The following CUX1 variants were observed in gnomAD, a reference collection of about 807,000 sequenced individuals.
CUX1 encodes protein CASP.
In CUX1, 31 loss-of-function variants were observed where a neutral mutation model predicts 158.8. The observed-to-expected ratio is 0.20, with a 90% CI of 0.15 to 0.26. CUX1 has a LOEUF of 0.26. Ranked by LOEUF, CUX1 falls within the 10% of genes least tolerant of loss-of-function variation. CUX1 has a pLI of 1.00. For synonymous variants in CUX1, 879 were observed against 862.1 expected, an observed-to-expected ratio of 1.02 and a Z score of -0.34; for missense variants, 1,589 against 2,014.6, an observed-to-expected ratio of 0.79 and a Z score of 4.04.
intron 21 of CUX1, among the ~76,000 whole-genome samples, chr7:102,231,255 C>A (rs1336813430): frequency 1.8e-4 from 27 of 152,032 alleles, no homozygotes; most frequent in Admixed American, 1.8e-3. Context: ...TGGTCTCAAT[C>A]TCCTGACCTC....
At chr7:102,239,861 G>A (rs782247501) in intron 23 of CUX1, among the ~76,000 whole-genome samples, 2 of 151,834 alleles carry the variant, frequency 1.3e-5, no homozygotes, top group South Asian at 2.1e-4. Flanking sequence ...GTTCTCCTGC[G>A]TCAGCCTCCC....
At chr7:102,232,466 A>AAGCC (rs1799108648) in intron 21 of CUX1, among the ~76,000 whole-genome samples, 1 of 152,194 alleles carries the variant, frequency 6.6e-6, no homozygotes, top group South Asian at 2.1e-4. Context: ...CAGAGAGAAC[A>AAGCC]AGCCAGCCCT....
intron 2 of CUX1, among the ~76,000 whole-genome samples, chr7:101,964,295 G>A (rs539214779): frequency 3.3e-5 from 5 of 152,220 alleles, no homozygotes; most frequent in Admixed American, 2.0e-4. Context: ...GGAGGTTGCA[G>A]TGAGCTGAGA....
chr7:102,030,222 G>A (rs1006463395), intron 3 of CUX1, among the ~76,000 whole-genome samples: 8 of 152,134 alleles, frequency 5.3e-5, no homozygotes, highest in African/African-American at 1.4e-4. Context: ...ATACTGGTCA[G>A]GCTGGTCTCT....
At chr7:101,958,671 G>A (rs1237720193) in intron 2 of CUX1, among the ~76,000 whole-genome samples, 1 of 150,876 alleles carries the variant, frequency 6.6e-6, no homozygotes, top group Non-Finnish European at 1.5e-5. Context: ...GTAGAGACGG[G>A]GTTTCACCAT....
chr7:102,041,509 C>T (rs1289556778), intron 3 of CUX1, among the ~76,000 whole-genome samples: 5 of 151,644 alleles, frequency 3.3e-5, no homozygotes, highest in Non-Finnish European at 7.4e-5. Flanking sequence ...CCGCCTTGGC[C>T]TCCCGAAATG....
intron 4 of CUX1, among the ~76,000 whole-genome samples, chr7:102,080,466 G>A (rs781944973): frequency 2.6e-5 from 4 of 152,262 alleles, no homozygotes; most frequent in African/African-American, 4.8e-5. Context: ...GAAAAGTAGC[G>A]TCTGCCGCAT....
intron 2 of CUX1, chr7:101,959,486 A>T (rs878963377): frequency 1.3e-5 from 2 of 151,986 alleles, no homozygotes; most frequent in Admixed American, 1.3e-4. Flanking sequence ...TCCCCTCCTA[A>T]GGCAGGCGGT....
At chr7:102,202,417 C>G (rs925394842) in intron 18 of CUX1, among the ~76,000 whole-genome samples, 1 of 152,214 alleles carries the variant, frequency 6.6e-6, no homozygotes, top group Non-Finnish European at 1.5e-5. Context: ...AGGTTCTAGG[C>G]TCAGCCTTTC....
At chr7:101,859,461 G>A (rs1797207936) in intron 1 of CUX1, among the ~76,000 whole-genome samples, 1 of 152,142 alleles carries the variant, frequency 6.6e-6, no homozygotes, top group Non-Finnish European at 1.5e-5. Context: ...AATATTAGCT[G>A]TTCTTTTCCA....
chr7:101,985,943 G>C (rs1448670055), intron 2 of CUX1, among the ~76,000 whole-genome samples: 1 of 152,234 alleles, frequency 6.6e-6, no homozygotes, highest in Admixed American at 6.5e-5. Context: ...AAGGAACGCA[G>C]CTTCAATGGC....
At chr7:102,133,015 A>G (rs1833497100) in intron 8 of CUX1, among the ~76,000 whole-genome samples, 1 of 152,056 alleles carries the variant, frequency 6.6e-6, no homozygotes, top group Non-Finnish European at 1.5e-5. Flanking sequence ...GATCTTCTGA[A>G]CTTGACCCTC....
intron 11 of CUX1, among the ~76,000 whole-genome samples, chr7:102,187,742 C>T (rs567939337): frequency 2.6e-5 from 4 of 151,688 alleles, no homozygotes; most frequent in Admixed American, 6.6e-5. Context: ...ATCTCCTGAC[C>T]TCATGATCCA....
chr7:101,950,102 C>A (rs1808876896), intron 2 of CUX1, among the ~76,000 whole-genome samples: 1 of 152,068 alleles, frequency 6.6e-6, no homozygotes, highest in Admixed American at 6.5e-5. Flanking sequence ...CCTCCGCCTC[C>A]TGGGTTTAAG....
chr7:102,200,778 C>T (rs1795328353), intron 17 of CUX1, among the ~76,000 whole-genome samples: 1 of 151,956 alleles, frequency 6.6e-6, no homozygotes, highest in African/African-American at 2.4e-5. Context: ...ACCTGCAATC[C>T]TGGCATTTTG....
At chr7:102,224,072 G>A (rs571544401) in intron 20 of CUX1, among the ~76,000 whole-genome samples, 5 of 152,342 alleles carry the variant, frequency 3.3e-5, no homozygotes, top group Admixed American at 1.3e-4. Context: ...CTCCATGCCT[G>A]TGCAAAAAAC....
chr7:102,122,076 G>C (rs782529747), intron 8 of CUX1, among the ~76,000 whole-genome samples: 2 of 152,164 alleles, frequency 1.3e-5, no homozygotes, highest in Non-Finnish European at 2.9e-5. Flanking sequence ...GAATCACCCA[G>C]CTGTCTTGAC....
intron 1 of CUX1, chr7:101,913,344 G>C (rs1447662073): frequency 2.2e-5 from 28 of 1,262,658 alleles, no homozygotes; most frequent in Non-Finnish European, 2.6e-5. Context: ...ATGTCTGCGG[G>C]CACGGGGAAG....
At chr7:102,032,543 CCTG>C (rs1820916561) in intron 3 of CUX1, among the ~76,000 whole-genome samples, 1 of 151,996 alleles carries the variant, frequency 6.6e-6, no homozygotes, top group African/African-American at 2.4e-5. Context: ...ATGGCATGTG[CCTG>C]TAATCACAGC....
Sources: gnomAD v4.1 joint callset for allele counts (sites outside exome capture counted in the v4.1 genomes callset) on GRCh38, gnomAD v4.1.1 for gene constraint, MANE v1.5 for transcripts, NCBI Gene and HGNC (gene_info 2026-07-23, HGNC 2026-07-21) for gene names.